The following PAK3 variants were observed in gnomAD, a reference collection of about 807,000 sequenced individuals.
PAK3 encodes the protein serine/threonine-protein kinase PAK 3.
In PAK3, 4 loss-of-function variants were observed where a neutral mutation model predicts 41.0. The ratio of observed to expected loss-of-function variants is 0.10; its 90% CI spans 0.05 to 0.22. The LOEUF is 0.22. Ranked by LOEUF, PAK3 falls within the 10% of genes least tolerant of loss-of-function variation. PAK3 has a pLI of 1.00. For synonymous variants in PAK3, 146 were observed against 139.6 expected (o/e 1.05, Z -0.32); for missense variants, 205 against 409.9 (o/e 0.50, Z 4.32).
chrX:111,001,800 G>A (rs1451153185), intron 1 of PAK3, among the ~76,000 whole-genome samples: 1 of 110,964 alleles, frequency 9.0e-6, no homozygotes, highest in Non-Finnish European at 1.9e-5. Flanking sequence ...AGCTTTGACT[G>A]AGGATGCTTC....
intron 5 of PAK3, among the ~76,000 whole-genome samples, chrX:111,137,257 A>C (rs756633071): frequency 3.6e-5 from 4 of 111,778 alleles, no homozygotes; most frequent in Admixed American, 1.9e-4. Context: ...TTCTCTCAGG[A>C]CTACAGGCTT....
intron 16 of PAK3, among the ~76,000 whole-genome samples, chrX:111,216,072 A>G (rs1407856247): frequency 1.8e-5 from 2 of 112,176 alleles, no homozygotes; most frequent in Non-Finnish European, 3.8e-5. Flanking sequence ...TGTATTCCCC[A>G]AGTCTTTAGA....
chrX:111,216,390 G>A, intron 16 of PAK3, 31 bp from the exon 17 acceptor site: 1 of 1,122,869 alleles, frequency 8.9e-7, no homozygotes. Flanking sequence ...ATATGTATGT[G>A]CTGAATGGAT....
intron 16 of PAK3, among the ~76,000 whole-genome samples, chrX:111,197,406 T>C (rs982510584): frequency 5.3e-5 from 6 of 112,246 alleles, no homozygotes; most frequent in Admixed American, 4.7e-4. Flanking sequence ...TATGTCTTTA[T>C]TGAAGGACAA....
At chrX:111,033,959 A>G (rs1339435269) in intron 1 of PAK3, among the ~76,000 whole-genome samples, 2 of 111,400 alleles carry the variant, frequency 1.8e-5, no homozygotes, top group African/African-American at 6.5e-5. Flanking sequence ...CTCATCCCTT[A>G]GGTCATTCCT....
At chrX:111,043,126 C>CA (rs200290605) in intron 1 of PAK3, among the ~76,000 whole-genome samples, 1,787 of 107,488 alleles carry the variant, frequency 0.017, 47 homozygotes, top group African/African-American at 0.057. Flanking sequence ...CCTGTCTCTA[C>CA]AAAAAAAAAT....
intron 1 of PAK3, among the ~76,000 whole-genome samples, chrX:110,952,396 G>A (rs182347661): frequency 9.0e-6 from 1 of 111,721 alleles, no homozygotes; most frequent in East Asian, 2.8e-4. Context: ...TACAGATGGA[G>A]AACACATCTG....
intron 7 of PAK3, among the ~76,000 whole-genome samples, chrX:111,151,225 A>C (rs984440646): frequency 3.5e-5 from 4 of 112,742 alleles, no homozygotes; most frequent in African/African-American, 1.3e-4. Context: ...ACCAGAACTG[A>C]AAATGTATTC....
intron 1 of PAK3, among the ~76,000 whole-genome samples, chrX:111,085,086 A>G (rs1047468399): frequency 3.6e-5 from 4 of 112,382 alleles, no homozygotes; most frequent in South Asian, 3.7e-4. Context: ...GGCAGAAAGC[A>G]TGGAACTTAT....
chrX:111,216,821 A>G (rs1284491631), intron 17 of PAK3: 2 of 402,571 alleles, frequency 5.0e-6, no homozygotes, highest in African/African-American at 2.8e-5. Context: ...AAAAAAAGCA[A>G]TGTGACCCTC....
In PAK3 at chrX:111,216,470, A is replaced by G. The variant is rs1055614465; in HGVS notation, c.1457A>G (p.Glu486Gly). Residue 486 changes from glutamate (E) to glycine (G), a missense_variant, in exon 17 of 18, where the codon GAG (glutamate) becomes GGG (glycine). By Grantham distance (98) the Glu-to-Gly change is moderately conservative (BLOSUM62 -2). This residue lies in a region of PAK3 where 40 missense variants were observed against 54.4 expected (regional missense o/e 0.74). Transcript: ENST00000372007. ...GGAACTCCAGAGCTCCAGAATCCTG[A>G]GAGACTGTCAGCTGTATTCCGTGAC... ...TNGTPELQNPERLSAVFRDFL... is the reference protein window; with the variant it reads ...TNGTPELQNPGRLSAVFRDFL... 8.5e-7 allele frequency: 1 copy of G among 1,174,983 alleles called. No homozygotes were observed. Among genetic ancestry groups the G allele is most frequent in the Non-Finnish European group, 1.2e-6 (1 of 863,225 alleles).
chrX:110,977,336 T>C (rs998880750), intron 1 of PAK3, among the ~76,000 whole-genome samples: 1 of 111,132 alleles, frequency 9.0e-6, no homozygotes, highest in Non-Finnish European at 1.9e-5. Context: ...TCCAACTTTG[T>C]TGTTCTTTTC....
At chrX:110,979,309 T>C (rs1283929745) in intron 1 of PAK3, among the ~76,000 whole-genome samples, 14 of 97,033 alleles carry the variant, frequency 1.4e-4, no homozygotes, top group African/African-American at 5.2e-4. Context: ...TTTTTTTTTT[T>C]TTTTTTTTTG....
chrX:110,963,525 C>T (rs1202050200), intron 1 of PAK3, among the ~76,000 whole-genome samples: 2 of 112,549 alleles, frequency 1.8e-5, no homozygotes, highest in Non-Finnish European at 3.8e-5. Context: ...TCAATTTTTC[C>T]AGTTCAGAGA....
intron 1 of PAK3, among the ~76,000 whole-genome samples, chrX:111,002,015 A>G (rs762049881): frequency 6.4e-4 from 71 of 111,634 alleles, no homozygotes; most frequent in African/African-American, 2.3e-3. Context: ...TTACTATAAT[A>G]ATAATTATTA....
chrX:111,219,233 A>C (rs1569475030), intron 17 of PAK3, among the ~76,000 whole-genome samples: 1 of 104,089 alleles, frequency 9.6e-6, no homozygotes, highest in African/African-American at 3.6e-5. Flanking sequence ...TAATAATAAT[A>C]ATAAGCAAGA....
rs747379000 is a variant in PAK3, at chrX:111,216,506, G to A, written c.1493G>A (p.Arg498His). ...LSAVFRDFLN[R>H]CLEMDVDRRG... ...GCTGTATTCCGTGACTTTTTAAATC[G>A]CTGTCTTGAGATGGATGTGGATAGG... Residue 498 changes from arginine (R) to histidine (H), a missense_variant, in exon 17 of 18, where the codon CGC becomes CAC. Transcript: ENST00000372007. The A allele has an allele frequency of 2.6e-5, 31 of 1,194,701 alleles. No individual in the cohort carries two copies. The highest frequency in any genetic ancestry group is 2.3e-4 in the Middle Eastern group (1 of 4,330).
At chrX:110,979,699 G>A (rs903578959) in intron 1 of PAK3, among the ~76,000 whole-genome samples, 5 of 111,866 alleles carry the variant, frequency 4.5e-5, no homozygotes, top group Non-Finnish European at 7.5e-5. Flanking sequence ...GTTTCTTGAG[G>A]TGGGAGCTTG....
chrX:111,088,172 C>T lies in PAK3; in HGVS notation c.-27-34905C>T, dbSNP rs780806485. ...CAGGTGGTTCCTTGTGCAGCCAAAT[C>T]GAGAACCACTACCCTAATGCTTTCC... On this transcript the variant is annotated intron_variant, in intron 1 of 14. Coordinates refer to the PAK3 transcript ENST00000425146. Among the ~76,000 whole-genome samples the T allele has an allele frequency of 2.7e-5, 3 of 111,352 alleles. No individual in the cohort carries two copies. In the East Asian group the frequency reaches 8.5e-4, roughly 31 times the overall value.
Sources: gnomAD v4.1 joint callset for allele counts (sites outside exome capture counted in the v4.1 genomes callset) on GRCh38, gnomAD v4.1.1 for gene constraint, gnomAD v4.1.1 regional missense constraint, MANE v1.5 for transcripts, NCBI Gene and HGNC (gene_info 2026-07-23, HGNC 2026-07-21) for gene names.